ICOS: variants seen among roughly 807,000 people sequenced by gnomAD.
ICOS encodes the protein inducible T cell costimulator, also known as inducible T-cell costimulator.
A neutral mutation model predicts 24.6 loss-of-function variants in ICOS; 15 were observed. That is an observed-to-expected ratio of 0.61 (90% CI 0.41 to 0.94). ICOS has a LOEUF of 0.94. Ranked by LOEUF, ICOS falls within the 40% of genes least tolerant of loss-of-function variation. ICOS has a pLI of 0.00. For synonymous variants in ICOS, 89 were observed against 77.5 expected (o/e 1.15, Z -0.78); for missense variants, 200 against 233.0 (o/e 0.86, Z 0.92).
intron 1 of ICOS, among the ~76,000 whole-genome samples, chr2:203,945,752 G>A (rs947446845): frequency 4.6e-5 from 7 of 152,152 alleles, no homozygotes; most frequent in Admixed American, 1.3e-4. Context: ...ACAGTCCATC[G>A]TTGACCAACA....
chr2:203,951,536 A>C (rs1689972685), intron 1 of ICOS, among the ~76,000 whole-genome samples: 1 of 152,126 alleles, frequency 6.6e-6, no homozygotes, highest in South Asian at 2.1e-4. Flanking sequence ...GATCCACTGC[A>C]ATGCACTTCC....
chr2:203,947,999 G>T (rs910424905), intron 1 of ICOS, among the ~76,000 whole-genome samples: 8 of 152,112 alleles, frequency 5.3e-5, no homozygotes, highest in Admixed American at 2.6e-4. Flanking sequence ...TAATGGCTGC[G>T]CTTTGGGACA....
At position 203,959,682 on chromosome 2, in the gene ICOS, CA is replaced by C; in HGVS notation, c.*84del. 2.4e-6 allele frequency: 3 copies of C among 1,273,460 alleles called. No homozygotes were observed. The highest frequency in any genetic ancestry group is 2.3e-6 in the Non-Finnish European group (2 of 871,126). 78.9% of individuals were successfully genotyped at this position (1,273,460 alleles called of 1,614,324 possible). ...TGCAAGATTCTCTTATTTCCGGGAC[CA>C]CGGAGAGTCTGACTTAACTACATAC... On this transcript the variant is annotated 3_prime_UTR_variant, in exon 5 of 5. Transcript: ENST00000316386.
At chr2:203,943,034 C>T (rs906359346) in intron 1 of ICOS, among the ~76,000 whole-genome samples, 1 of 152,096 alleles carries the variant, frequency 6.6e-6, no homozygotes, top group African/African-American at 2.4e-5. Flanking sequence ...TATCTATTTC[C>T]TTGAATATTT....
intron 4 of ICOS, among the ~76,000 whole-genome samples, chr2:203,959,150 G>A (rs1034554915): frequency 2.2e-4 from 34 of 152,176 alleles, no homozygotes; most frequent in Admixed American, 1.8e-3. Context: ...GGTTGCCTGC[G>A]GAGGGCATTA....
At chr2:203,949,080 T>G (rs551319909) in intron 1 of ICOS, among the ~76,000 whole-genome samples, 1 of 152,336 alleles carries the variant, frequency 6.6e-6, no homozygotes, top group South Asian at 2.1e-4. Context: ...TCATTCTGGT[T>G]TCTCTGTGGA....
intron 1 of ICOS, among the ~76,000 whole-genome samples, chr2:203,950,972 A>G (rs1451453211): frequency 6.6e-6 from 1 of 152,038 alleles, no homozygotes; most frequent in Non-Finnish European, 1.5e-5. Context: ...AGGCAGCAGA[A>G]TCGCTTGAAC....
At chr2:203,958,195 TG>T (rs779199312) in intron 4 of ICOS, among the ~76,000 whole-genome samples, 1 of 152,206 alleles carries the variant, frequency 6.6e-6, no homozygotes, top group Non-Finnish European at 1.5e-5. Context: ...AAGTGTTTTT[TG>T]TTGAAGGGTT....
chr2:203,947,595 T>C (rs1398974518), intron 1 of ICOS, among the ~76,000 whole-genome samples: 1 of 152,176 alleles, frequency 6.6e-6, no homozygotes, highest in Non-Finnish European at 1.5e-5. Flanking sequence ...GGCGAGTCAC[T>C]GCGCCCGGCC....
At chr2:203,940,273 G>A (rs935644614) in intron 1 of ICOS, among the ~76,000 whole-genome samples, 1 of 152,086 alleles carries the variant, frequency 6.6e-6, no homozygotes. Flanking sequence ...TGGGTTTTGT[G>A]GAAATAATTT....
chr2:203,940,638 A>G (rs1689750048), intron 1 of ICOS, among the ~76,000 whole-genome samples: 1 of 146,480 alleles, frequency 6.8e-6, no homozygotes, highest in African/African-American at 2.6e-5. Flanking sequence ...GAAGAGTTTG[A>G]TGGTAGTCTA....
chr2:203,943,955 C>G (rs914913968), intron 1 of ICOS, among the ~76,000 whole-genome samples: 2 of 152,258 alleles, frequency 1.3e-5, no homozygotes, highest in Non-Finnish European at 2.9e-5. Context: ...TCATCCAGAT[C>G]CCATGCAAAC....
chr2:203,939,863 C>G (rs1348794739), intron 1 of ICOS, among the ~76,000 whole-genome samples: 3 of 152,174 alleles, frequency 2.0e-5, no homozygotes, highest in Non-Finnish European at 4.4e-5. Flanking sequence ...TAACAAAAAT[C>G]CCAGTTGTCA....
At chr2:203,950,837 G>A (rs902594834) in intron 1 of ICOS, among the ~76,000 whole-genome samples, 3 of 152,126 alleles carry the variant, frequency 2.0e-5, no homozygotes, top group Admixed American at 6.5e-5. Context: ...CAAGGTGGGC[G>A]GATCGTGAGG....
At position 203,959,592 on chromosome 2, in the gene ICOS, C is replaced by T. The variant is rs766967127; in HGVS notation, c.593C>T (p.Thr198Ile). ...TAKKSRLTDV[T>I]L ...TGCTGAATTTTTGTTACAGATGTGACCCTATAATATGGAACTCTGGCACCC... is the reference window on the plus strand; with the variant it reads ...TGCTGAATTTTTGTTACAGATGTGATCCTATAATATGGAACTCTGGCACCC... Residue 198 changes from threonine to isoleucine, a missense_variant, in exon 5 of 5, where the codon ACC becomes ATC. Thr to Ile is a moderately conservative substitution (Grantham distance 89). Coordinates refer to ENST00000316386, the MANE Select transcript of ICOS (RefSeq NM_012092.4). 6.2e-7 allele frequency: 1 copy of T among 1,612,994 alleles called. No homozygotes were observed. The highest frequency in any genetic ancestry group is 8.5e-7 in the Non-Finnish European group (1 of 1,179,168).
At chr2:203,950,800 G>A (rs549693589) in intron 1 of ICOS, among the ~76,000 whole-genome samples, 2 of 152,202 alleles carry the variant, frequency 1.3e-5, no homozygotes, top group East Asian at 1.9e-4. Context: ...GGTGGCTCAC[G>A]CTTATAATCC....
intron 2 of ICOS, among the ~76,000 whole-genome samples, chr2:203,956,320 T>A (rs1477089558): frequency 6.6e-6 from 1 of 152,158 alleles, no homozygotes; most frequent in Non-Finnish European, 1.5e-5. Flanking sequence ...GATTTAAGGT[T>A]TGGTTTTGCA....
chr2:203,939,374 T>G (rs561438288), intron 1 of ICOS, among the ~76,000 whole-genome samples: 61 of 151,156 alleles, frequency 4.0e-4, no homozygotes, highest in African/African-American at 1.4e-3. Flanking sequence ...CAAAGTCTTG[T>G]TTTTTTTTAA....
At chr2:203,950,306 G>A (rs959840037) in intron 1 of ICOS, among the ~76,000 whole-genome samples, 1 of 152,170 alleles carries the variant, frequency 6.6e-6, no homozygotes, top group Non-Finnish European at 1.5e-5. Context: ...TACATGATGA[G>A]GAGGTTCTTG....
Sources: gnomAD v4.1 joint callset for allele counts (sites outside exome capture counted in the v4.1 genomes callset) on GRCh38, gnomAD v4.1.1 for gene constraint, MANE v1.5 for transcripts, NCBI Gene and HGNC (gene_info 2026-07-23, HGNC 2026-07-21) for gene names.